PTPRM: variants seen among roughly 807,000 people sequenced by gnomAD.
PTPRM encodes receptor-type tyrosine-protein phosphatase mu.
Under a neutral mutation model 186.7 loss-of-function variants are expected in PTPRM, and 47 were observed. The ratio of observed to expected loss-of-function variants is 0.25; its 90% CI spans 0.20 to 0.32. The LOEUF is 0.32. PTPRM is among the 10% of genes least tolerant of loss of function. PTPRM has a pLI of 1.00. For synonymous variants in PTPRM, 668 were observed against 674.9 expected (o/e 0.99, Z 0.16); for missense variants, 1,494 against 1,865.0 (o/e 0.80, Z 3.66).
rs149769084 is a variant in PTPRM at position 8,319,661 on chromosome 18, A to T, written c.2956+447A>T. ...TATGTACTTTAGTAGGTACAGTGGC[A>T]GGTGACATCTGTGAGAGGAACAGAT... On this transcript the variant is annotated intron_variant, in intron 22 of 32. Coordinates refer to ENST00000580170, the MANE Select transcript of PTPRM (RefSeq NM_001105244.2). 4.6e-5 allele frequency among the ~76,000 whole-genome samples: 7 copies of T among 152,346 alleles called. No homozygotes were observed. The East Asian group carries it at 1.3e-3, about 29-fold the overall frequency.
chr18:8,369,476 A>G (rs1188092423), intron 23 of PTPRM, among the ~76,000 whole-genome samples: 2 of 152,174 alleles, frequency 1.3e-5, no homozygotes, highest in Admixed American at 6.5e-5. Flanking sequence ...CTTCAAAGAC[A>G]CTCCTAGCCT....
chr18:8,204,877 A>G (rs1257726477), intron 14 of PTPRM, among the ~76,000 whole-genome samples: 1 of 152,176 alleles, frequency 6.6e-6, no homozygotes, highest in African/African-American at 2.4e-5. Flanking sequence ...GGTTTGTGAT[A>G]CTTCTGGTCA....
chr18:8,070,577 C>T (rs150628532), intron 8 of PTPRM, among the ~76,000 whole-genome samples: 2 of 152,170 alleles, frequency 1.3e-5, no homozygotes, highest in African/African-American at 4.8e-5. Flanking sequence ...CCATGCATGT[C>T]ACCAGTAACG....
At chr18:7,730,517 T>C (rs1382695787) in intron 1 of PTPRM, among the ~76,000 whole-genome samples, 1 of 152,178 alleles carries the variant, frequency 6.6e-6, no homozygotes, top group Admixed American at 6.5e-5. Flanking sequence ...AACACCTGTA[T>C]TGTTACCTAA....
intron 2 of PTPRM, among the ~76,000 whole-genome samples, chr18:7,844,502 G>A (rs1055387657): frequency 2.8e-4 from 43 of 152,266 alleles, no homozygotes; most frequent in African/African-American, 9.9e-4. Context: ...ATGGTAGGAC[G>A]GGCAGAGGAG....
At chr18:7,634,406 G>C (rs1222916023) in intron 1 of PTPRM, among the ~76,000 whole-genome samples, 1 of 152,130 alleles carries the variant, frequency 6.6e-6, no homozygotes, top group African/African-American at 2.4e-5. Flanking sequence ...ATTACTGTTT[G>C]TATACTCACA....
In PTPRM at chr18:7,966,926, T is replaced by A. The variant is rs35010361; in HGVS notation, c.1132+11512T>A. Among the ~76,000 whole-genome samples, 98 of 118,966 alleles carry A rather than the reference T, an allele frequency of 8.2e-4. 8 individuals carry two copies. The highest frequency in any genetic ancestry group is 4.2e-3 in the South Asian group (15 of 3,548). The allele number at this position is 118,966 out of a possible 152,430, so 78.0% of individuals were successfully genotyped here. A position where few individuals can be genotyped will look rare whatever the true frequency, so the allele number is the denominator to read the frequency against. On this transcript the variant is annotated intron_variant, in intron 7 of 32. Coordinates refer to ENST00000580170, the MANE Select transcript of PTPRM (RefSeq NM_001105244.2). ...GCTTGCTGAGGTAAACAAAGCAGCC[T>A]GGAAGCTCGAACTGGGTGGAGCCCA... is the stretch of plus-strand genomic sequence containing the variant.
intron 5 of PTPRM, among the ~76,000 whole-genome samples, chr18:7,937,065 G>T (rs886965442): frequency 3.3e-5 from 5 of 152,170 alleles, no homozygotes; most frequent in Admixed American, 2.6e-4. Flanking sequence ...ATTCAGTAAA[G>T]CTCCTGTTCA....
At chr18:8,224,250 G>A (rs1053559784) in intron 14 of PTPRM, among the ~76,000 whole-genome samples, 14 of 152,186 alleles carry the variant, frequency 9.2e-5, no homozygotes, top group African/African-American at 3.4e-4. Context: ...TGCCACCTGA[G>A]TAGGCTCCAG....
intron 14 of PTPRM, among the ~76,000 whole-genome samples, chr18:8,176,262 G>T (rs1156360118): frequency 6.6e-6 from 1 of 151,916 alleles, no homozygotes; most frequent in Non-Finnish European, 1.5e-5. Flanking sequence ...GTTATTTTTG[G>T]AAACAAGCTA....
chr18:8,152,913 T>C (rs2146254086), intron 14 of PTPRM, among the ~76,000 whole-genome samples: 1 of 152,058 alleles, frequency 6.6e-6, no homozygotes, highest in Non-Finnish European at 1.5e-5. Flanking sequence ...AGACAGGGTT[T>C]CACCATGTTA....
chr18:7,744,963 T>C (rs1331961336), intron 1 of PTPRM, among the ~76,000 whole-genome samples: 1 of 152,156 alleles, frequency 6.6e-6, no homozygotes, highest in Admixed American at 6.5e-5. Context: ...CTATCACTTA[T>C]GTTATAGAAA....
At chr18:7,943,431 G>T (rs1210481156) in intron 5 of PTPRM, among the ~76,000 whole-genome samples, 1 of 152,082 alleles carries the variant, frequency 6.6e-6, no homozygotes, top group Non-Finnish European at 1.5e-5. Flanking sequence ...TGACCTTAAA[G>T]ACTTGCTTAT....
At chr18:7,998,444 T>C (rs1242428123) in intron 7 of PTPRM, among the ~76,000 whole-genome samples, 1 of 152,162 alleles carries the variant, frequency 6.6e-6, no homozygotes, top group East Asian at 1.9e-4. Flanking sequence ...TGCATCAAAA[T>C]ATTACATGTA....
At chr18:8,276,196 C>T (rs1415376099) in intron 19 of PTPRM, among the ~76,000 whole-genome samples, 2 of 152,100 alleles carry the variant, frequency 1.3e-5, no homozygotes, top group Admixed American at 6.5e-5. Context: ...TTTCTCTAAA[C>T]TTTCACAGCA....
chr18:7,740,096 A>G (rs1285948430), intron 1 of PTPRM, among the ~76,000 whole-genome samples: 1 of 152,250 alleles, frequency 6.6e-6, no homozygotes, highest in Non-Finnish European at 1.5e-5. Context: ...ATGGAACAGT[A>G]CTGAACATTT....
intron 1 of PTPRM, among the ~76,000 whole-genome samples, chr18:7,581,832 A>AT (rs1034988698): frequency 6.6e-6 from 1 of 151,416 alleles, no homozygotes; most frequent in African/African-American, 2.4e-5. Flanking sequence ...CTTCACAAAA[A>AT]TTTTTTTTGA....
At chr18:7,661,014 A>G (rs145738144) in intron 1 of PTPRM, among the ~76,000 whole-genome samples, 124 of 152,216 alleles carry the variant, frequency 8.1e-4, no homozygotes, top group African/African-American at 2.9e-3. Flanking sequence ...AGAACATAGC[A>G]TTTTCTAACA....
chr18:8,029,734 T>C (rs982974236), intron 7 of PTPRM, among the ~76,000 whole-genome samples: 3 of 152,230 alleles, frequency 2.0e-5, no homozygotes, highest in Admixed American at 2.0e-4. Flanking sequence ...TATATACTTA[T>C]TCAGTTTAGT....
Sources: allele counts gnomAD v4.1 joint callset (sites outside exome capture counted in the v4.1 genomes callset), GRCh38; gene constraint gnomAD v4.1.1; transcripts MANE v1.5; gene names NCBI Gene and HGNC (gene_info 2026-07-23, HGNC 2026-07-21).